Variants in PMFBP1 observed in about 807,000 individuals in gnomAD.
The protein encoded by PMFBP1 is polyamine modulated factor 1 binding protein 1.
PMFBP1 carries 131 observed loss-of-function variants against 137.8 expected under a neutral mutation model. That is an observed-to-expected ratio of 0.95 (90% CI 0.82 to 1.10). The LOEUF is 1.10. Among genes scored for constraint, PMFBP1 ranks in the 50% least tolerant of loss-of-function variants. PMFBP1 has a pLI of 0.00. For synonymous variants in PMFBP1, 490 were observed against 450.4 expected (o/e 1.09, Z -1.11); for missense variants, 1,199 against 1,175.4 (o/e 1.02, Z -0.29).
At chr16:72,177,262 C>G (rs1352445641), upstream of PMFBP1, among the ~76,000 whole-genome samples, 1 of 152,210 alleles carries the variant, frequency 6.6e-6, no homozygotes, top group Admixed American at 6.5e-5. Context: ...CCATTTCTTT[C>G]AACTTCCCTA....
intron 20 of PMFBP1, 149 bp downstream of exon 20, chr16:72,119,702 G>C (rs2042347495): frequency 6.8e-7 from 1 of 1,478,068 alleles, no homozygotes; most frequent in Non-Finnish European, 8.9e-7. Context: ...TCCCTTTACA[G>C]ATGTGAAAAC....
chr16:72,167,681 C>T (rs117484229), intron 2 of PMFBP1, among the ~76,000 whole-genome samples: 1 of 152,194 alleles, frequency 6.6e-6, no homozygotes. Context: ...CCTCTCCACT[C>T]TGGCCACAGG....
At chr16:72,168,967 C>G (rs1030751288) in intron 2 of PMFBP1, among the ~76,000 whole-genome samples, 1 of 152,110 alleles carries the variant, frequency 6.6e-6, no homozygotes, top group Non-Finnish European at 1.5e-5. Context: ...CAAGTATTAA[C>G]AGTCTCAAGC....
At chr16:72,207,210 T>C in the PMFBP1 span, among the ~76,000 whole-genome samples, 1 of 151,888 alleles carries the variant, frequency 6.6e-6, no homozygotes, top group Non-Finnish European at 1.5e-5. Context: ...GAGAGGCCAA[T>C]GAGAAGGCTG....
intron 4 of PMFBP1, among the ~76,000 whole-genome samples, chr16:72,153,925 C>T (rs896589289): frequency 4.7e-4 from 13 of 27,668 alleles, no homozygotes; most frequent in African/African-American, 3.1e-3. Flanking sequence ...GACTTATACA[C>T]ACACACACAC....
chr16:72,119,978 T>C lies in PMFBP1; in HGVS notation c.2880A>G (p.Leu960=), dbSNP rs1189347740. Residue 960 remains leucine, a synonymous_variant, in exon 20 of 21, where the codon CTA becomes CTG. Transcript: ENST00000237353. The part of the protein sequence containing the change: ...AENTRLCTKA[L]GPSRTESTQR... ...GTGTGGACTCCGTTCTGCTCGGGCC[T>C]AGGGCTTTGGTGCATAGCCTTGTGT... 6.2e-7 allele frequency: 1 copy of C among 1,614,210 alleles called. No homozygotes were observed.
the PMFBP1 span, among the ~76,000 whole-genome samples, chr16:72,222,856 T>G: frequency 1.3e-5 from 2 of 152,302 alleles, no homozygotes; most frequent in African/African-American, 4.8e-5. Context: ...CAGCAGTTAT[T>G]ATTTAAAGGT....
chr16:72,200,609 A>G, the PMFBP1 span, among the ~76,000 whole-genome samples: 3 of 152,278 alleles, frequency 2.0e-5, no homozygotes, highest in Non-Finnish European at 4.4e-5. Context: ...TTCCTGATGA[A>G]TTGCATTAAA....
chr16:72,171,885 G>C (rs2043225259), intron 1 of PMFBP1, 169 bp downstream of exon 1: 1 of 152,236 alleles, frequency 6.6e-6, no homozygotes, highest in Admixed American at 6.5e-5. Flanking sequence ...GAAGTGCTGA[G>C]ACTTATCTAG....
chr16:72,218,546 G>C, the PMFBP1 span, among the ~76,000 whole-genome samples: 1 of 152,212 alleles, frequency 6.6e-6, no homozygotes, highest in Non-Finnish European at 1.5e-5. Context: ...CTCCCAAAGT[G>C]CTGGGATTAC....
At chr16:72,185,129 T>G in the PMFBP1 span, among the ~76,000 whole-genome samples, 1 of 152,074 alleles carries the variant, frequency 6.6e-6, no homozygotes, top group South Asian at 2.1e-4. Flanking sequence ...GTTCAAGTGA[T>G]TCTCCTGCCT....
intron 18 of PMFBP1, among the ~76,000 whole-genome samples, chr16:72,123,276 C>T (rs1207537971): frequency 1.3e-5 from 2 of 152,206 alleles, no homozygotes; most frequent in Non-Finnish European, 2.9e-5. Context: ...AGGAGGATAT[C>T]TGAGCCAATG....
chr16:72,121,207 G>A (rs2042372620), intron 19 of PMFBP1, among the ~76,000 whole-genome samples: 1 of 152,190 alleles, frequency 6.6e-6, no homozygotes, highest in Non-Finnish European at 1.5e-5. Context: ...AACCTCTTCT[G>A]TGGGCATATG....
At chr16:72,218,453 G>C in the PMFBP1 span, among the ~76,000 whole-genome samples, 2 of 152,014 alleles carry the variant, frequency 1.3e-5, no homozygotes, top group African/African-American at 4.8e-5. Context: ...TCAGCCTCCT[G>C]AGTAGCTGGG....
the PMFBP1 span, among the ~76,000 whole-genome samples, chr16:72,220,797 G>A: frequency 1.3e-5 from 2 of 152,160 alleles, no homozygotes; most frequent in African/African-American, 4.8e-5. Flanking sequence ...GGGACCCAGG[G>A]CTCTGAACAA....
At chr16:72,229,503 C>T in the PMFBP1 span, among the ~76,000 whole-genome samples, 2 of 152,146 alleles carry the variant, frequency 1.3e-5, no homozygotes, top group African/African-American at 2.4e-5. Flanking sequence ...TCTCCACAAC[C>T]TCACCAATAT....
chr16:72,150,937 C>A, intron 4 of PMFBP1, 108 bp from the exon 5 acceptor site: 1 of 900,704 alleles, frequency 1.1e-6, no homozygotes. Flanking sequence ...AACCAGAAGA[C>A]CAGATGAACA....
At chr16:72,151,334 T>C (rs775201345) in intron 4 of PMFBP1, among the ~76,000 whole-genome samples, 1 of 152,186 alleles carries the variant, frequency 6.6e-6, no homozygotes, top group Non-Finnish European at 1.5e-5. Context: ...ATTTTCTTCC[T>C]CATCAAGTAA....
At chr16:72,189,924 G>A in the PMFBP1 span, among the ~76,000 whole-genome samples, 2 of 152,162 alleles carry the variant, frequency 1.3e-5, no homozygotes, top group Admixed American at 1.3e-4. Context: ...CTTGTATGCT[G>A]AGTCTGCCTC....
Sources: gnomAD v4.1 joint callset for allele counts (sites outside exome capture counted in the v4.1 genomes callset) on GRCh38, gnomAD v4.1.1 for gene constraint, MANE v1.5 for transcripts, NCBI Gene and HGNC (gene_info 2026-07-23, HGNC 2026-07-21) for gene names.